The following SPIDR variants were observed in gnomAD, a reference collection of about 807,000 sequenced individuals.
SPIDR encodes scaffold protein involved in DNA repair, also known as DNA repair-scaffolding protein.
SPIDR carries 93 observed loss-of-function variants against 104.6 expected under a neutral mutation model. That is an observed-to-expected ratio of 0.89 (90% confidence interval 0.75 to 1.06). SPIDR has a LOEUF of 1.06. SPIDR is among the 50% of genes least tolerant of loss of function. The pLI is 0.00. For synonymous variants in SPIDR, 431 were observed against 416.9 expected (o/e 1.03, Z -0.41); for missense variants, 1,154 against 1,111.2 (o/e 1.04, Z -0.55).
Position 47,459,069 on chromosome 8 carries a change from G to A in SPIDR, c.1097+18527G>A, listed in dbSNP as rs186343459. 2.7e-3 allele frequency among the ~76,000 whole-genome samples: 412 copies of A among 152,128 alleles called. 1 individual carries two copies. Among genetic ancestry groups the A allele is most frequent in the African/African-American group, 9.7e-3 (402 of 41,526 alleles). The stretch of plus-strand genomic sequence containing the variant: ...TATTTTGTTAAGGGTTTTTGCTTCT[G>A]TTTTCATCAGGGTTATTGGTCTGTA... On this transcript the variant is annotated intron_variant, in intron 8 of 19. Transcript: ENST00000297423.
At chr8:47,416,501 T>G (rs1554675462) in intron 7 of SPIDR, among the ~76,000 whole-genome samples, 1 of 152,180 alleles carries the variant, frequency 6.6e-6, no homozygotes, top group African/African-American at 2.4e-5. Context: ...GTGTACCAGT[T>G]TTTGAGTGAA....
intron 8 of SPIDR, among the ~76,000 whole-genome samples, chr8:47,569,131 T>C (rs2154404725): frequency 6.6e-6 from 1 of 152,256 alleles, no homozygotes; most frequent in Non-Finnish European, 1.5e-5. Flanking sequence ...AGGTATATCA[T>C]TGTAGATAAA....
chr8:47,445,252 T>A (rs189169096), intron 8 of SPIDR, among the ~76,000 whole-genome samples: 1 of 152,332 alleles, frequency 6.6e-6, no homozygotes, highest in East Asian at 1.9e-4. Context: ...TATATCACAT[T>A]TGAATAATTA....
At chr8:47,346,579 T>C (rs563342712) in intron 5 of SPIDR, among the ~76,000 whole-genome samples, 75 of 152,278 alleles carry the variant, frequency 4.9e-4, no homozygotes, top group Non-Finnish European at 8.5e-4. Context: ...AGAATTTGGT[T>C]GTGAATCTGT....
chr8:47,347,573 T>C (rs1326335589), intron 5 of SPIDR, among the ~76,000 whole-genome samples: 1 of 152,182 alleles, frequency 6.6e-6, no homozygotes, highest in African/African-American at 2.4e-5. Flanking sequence ...TATTATTGTG[T>C]AGTAGGAGTC....
intron 5 of SPIDR, among the ~76,000 whole-genome samples, chr8:47,315,968 T>C (rs2045264141): frequency 1.3e-5 from 2 of 152,124 alleles, no homozygotes; most frequent in African/African-American, 4.8e-5. Flanking sequence ...GCAACTGTTT[T>C]AAAGAAAACA....
At chr8:47,530,114 G>T (rs2085706145) in intron 8 of SPIDR, among the ~76,000 whole-genome samples, 1 of 152,132 alleles carries the variant, frequency 6.6e-6, no homozygotes, top group Admixed American at 6.5e-5. Flanking sequence ...CTACACACTT[G>T]TATAGCATGT....
intron 8 of SPIDR, among the ~76,000 whole-genome samples, chr8:47,554,171 G>A (rs1253812805): frequency 3.3e-5 from 5 of 152,190 alleles, no homozygotes; most frequent in African/African-American, 1.2e-4. Flanking sequence ...ACTGGGAGGT[G>A]TCTCCCAGTT....
Position 47,371,710 on chromosome 8 carries a change from C to G in SPIDR, c.526-24666C>G, listed in dbSNP as rs190854334. On this transcript the variant is annotated intron_variant, in intron 5 of 19. Transcript: ENST00000297423. Reference sequence around the variant, plus strand: ...CTCTGTAAAATGGGTATAATAATTTCTATCTCATAGGGCTGTAGTAAGAAT... The same window carrying G: ...CTCTGTAAAATGGGTATAATAATTTGTATCTCATAGGGCTGTAGTAAGAAT... Among the ~76,000 whole-genome samples, 83 of 152,218 alleles carry G rather than the reference C, an allele frequency of 5.5e-4. 1 individual carries two copies. Among genetic ancestry groups the G allele is most frequent in the African/African-American group, 1.9e-3 (77 of 41,526 alleles).
chr8:47,617,543 G>A (rs1380706100), intron 10 of SPIDR, among the ~76,000 whole-genome samples: 3 of 152,210 alleles, frequency 2.0e-5, no homozygotes, highest in African/African-American at 7.2e-5. Flanking sequence ...AAAAGATGCA[G>A]CATCACCCTT....
At chr8:47,386,906 TATAGATATAG>T (rs1252464802) in intron 5 of SPIDR, among the ~76,000 whole-genome samples, 108 of 31,706 alleles carry the variant, frequency 3.4e-3, no homozygotes, top group African/African-American at 0.013. Flanking sequence ...GAGAGAGAGA[TATAGATATAG>T]ATATAGATAT....
chr8:47,263,613 C>G (rs138739835), intron 1 of SPIDR, among the ~76,000 whole-genome samples: 1,636 of 152,354 alleles, frequency 0.011, 23 homozygotes, highest in Non-Finnish European at 0.017. Context: ...GCCACTGCGC[C>G]CGGCCATGAA....
intron 10 of SPIDR, among the ~76,000 whole-genome samples, chr8:47,662,485 C>G (rs909185813): frequency 6.6e-6 from 1 of 152,214 alleles, no homozygotes; most frequent in African/African-American, 2.4e-5. Context: ...ACTCCTTCCT[C>G]TCAGGCATTT....
chr8:47,300,666 T>G (rs913860998), intron 5 of SPIDR, among the ~76,000 whole-genome samples: 51 of 152,322 alleles, frequency 3.3e-4, no homozygotes, highest in Non-Finnish European at 6.6e-4. Context: ...CTTGTTGGTT[T>G]CCAAGAACAT....
At chr8:47,734,920 C>T (rs190863751) in intron 19 of SPIDR, among the ~76,000 whole-genome samples, 5 of 152,294 alleles carry the variant, frequency 3.3e-5, no homozygotes, top group Admixed American at 1.3e-4. Context: ...ATCCCTCAAC[C>T]GGAAGTGTTG....
chr8:47,410,799 T>C (rs950512425), intron 7 of SPIDR, among the ~76,000 whole-genome samples: 4 of 152,098 alleles, frequency 2.6e-5, no homozygotes, highest in African/African-American at 7.2e-5. Context: ...CCTAATGTTA[T>C]CCCTCCCCGC....
intron 11 of SPIDR, among the ~76,000 whole-genome samples, chr8:47,684,351 C>G (rs1485295435): frequency 6.6e-6 from 1 of 152,154 alleles, no homozygotes; most frequent in Non-Finnish European, 1.5e-5. Context: ...CAAGCTTACT[C>G]AAGGGGACTT....
At chr8:47,441,059 A>G (rs1036894131) in intron 8 of SPIDR, among the ~76,000 whole-genome samples, 35 of 152,220 alleles carry the variant, frequency 2.3e-4, no homozygotes, top group Non-Finnish European at 8.8e-5. Context: ...CATGAATAGA[A>G]GAAAATCATA....
chr8:47,673,302 G>A, intron 10 of SPIDR: 2 of 411,476 alleles, frequency 4.9e-6, no homozygotes, highest in Non-Finnish European at 9.8e-6. Flanking sequence ...GGATATGCGT[G>A]TCTAAACGTG....
Sources: gnomAD v4.1 joint callset for allele counts (sites outside exome capture counted in the v4.1 genomes callset) on GRCh38, gnomAD v4.1.1 for gene constraint, MANE v1.5 for transcripts, NCBI Gene and HGNC (gene_info 2026-07-23, HGNC 2026-07-21) for gene names.